The following SUGCT variants were observed in gnomAD, a reference collection of about 807,000 sequenced individuals.
The protein encoded by SUGCT is succinyl-CoA:glutarate-CoA transferase, also known as succinyl-CoA:glutarate CoA-transferase.
In SUGCT, 41 loss-of-function variants were observed where a neutral mutation model predicts 55.0. The ratio of observed to expected loss-of-function variants is 0.74; its 90% confidence interval spans 0.58 to 0.97. The LOEUF is 0.97. SUGCT is among the 50% of genes least tolerant of loss of function. SUGCT has a pLI of 0.00. For missense variants in SUGCT, 568 were observed against 547.8 expected, an observed-to-expected ratio of 1.04 and a Z score of -0.37; for synonymous variants, 187 against 200.4, an observed-to-expected ratio of 0.93 and a Z score of 0.56.
chr7:40,164,592 T>G (rs1443286181), intron 1 of SUGCT, among the ~76,000 whole-genome samples: 2 of 152,210 alleles, frequency 1.3e-5, no homozygotes, highest in African/African-American at 4.8e-5. Context: ...TTTTGTTTTT[T>G]ATTATGCATA....
Position 40,797,724 on chromosome 7 carries a change from C to A in SUGCT, c.1153+48227C>A, listed in dbSNP as rs534653708. ...CCTGATGAAAAGCATGAACCCCCCCCAAATAAATGGTGGGCTGCTTTGCTT... is the reference window on the plus strand; with the variant it reads ...CCTGATGAAAAGCATGAACCCCCCCAAAATAAATGGTGGGCTGCTTTGCTT... On this transcript the variant is annotated intron_variant, in intron 13 of 13. Coordinates refer to ENST00000335693, the MANE Select transcript of SUGCT (RefSeq NM_001193313.2). Among the ~76,000 whole-genome samples, 8 of 152,330 alleles carry A rather than the reference C, an allele frequency of 5.3e-5. No individual in the cohort carries two copies. The South Asian group carries it at 1.7e-3, about 32-fold the overall frequency.
intron 10 of SUGCT, among the ~76,000 whole-genome samples, chr7:40,453,958 T>A (rs1789330011): frequency 6.6e-6 from 1 of 151,988 alleles, no homozygotes; most frequent in Admixed American, 6.6e-5. Flanking sequence ...CAAAGAAATA[T>A]AAGATATGAA....
chr7:40,947,494 TTCTC>T, the SUGCT span, among the ~76,000 whole-genome samples: 10 of 134,648 alleles, frequency 7.4e-5, no homozygotes, highest in Non-Finnish European at 1.4e-4. Flanking sequence ...GGGCCATACT[TTCTC>T]TCTTTTTTTT....
intron 9 of SUGCT, among the ~76,000 whole-genome samples, chr7:40,382,848 G>A (rs1400637401): frequency 6.6e-6 from 1 of 151,998 alleles, no homozygotes; most frequent in Non-Finnish European, 1.5e-5. Flanking sequence ...CATTATCTTT[G>A]GAAAGTATTT....
chr7:41,035,181 G>A, the SUGCT span, among the ~76,000 whole-genome samples: 19 of 152,324 alleles, frequency 1.2e-4, no homozygotes, highest in East Asian at 1.9e-4. Flanking sequence ...TACAGTATTC[G>A]TATCGCTGAG....
intron 12 of SUGCT, among the ~76,000 whole-genome samples, chr7:40,681,138 T>G (rs1475200775): frequency 6.6e-6 from 1 of 152,068 alleles, no homozygotes; most frequent in Non-Finnish European, 1.5e-5. Flanking sequence ...CAGTGATTAG[T>G]GTGTCTTTTT....
intron 13 of SUGCT, among the ~76,000 whole-genome samples, chr7:40,842,826 CAA>C (rs1793343732): frequency 6.6e-6 from 1 of 152,194 alleles, no homozygotes; most frequent in Admixed American, 6.5e-5. Context: ...GCAAGTTGCA[CAA>C]TTCTGTAAAG....
intron 9 of SUGCT, among the ~76,000 whole-genome samples, chr7:40,354,191 A>G (rs887643813): frequency 1.3e-5 from 2 of 152,142 alleles, no homozygotes; most frequent in Non-Finnish European, 2.9e-5. Context: ...GGCTTCAAAG[A>G]CATGCAGAAG....
chr7:40,520,166 C>A (rs1386727680), intron 12 of SUGCT, among the ~76,000 whole-genome samples: 1 of 152,042 alleles, frequency 6.6e-6, no homozygotes, highest in Non-Finnish European at 1.5e-5. Context: ...CATACTAATA[C>A]CAAGTTTCTT....
At chr7:40,963,627 A>G in the SUGCT span, among the ~76,000 whole-genome samples, 2 of 152,212 alleles carry the variant, frequency 1.3e-5, no homozygotes, top group Non-Finnish European at 2.9e-5. Context: ...AAATTTAATA[A>G]TGGCAAATGG....
chr7:40,710,778 A>T (rs564332158), intron 12 of SUGCT, among the ~76,000 whole-genome samples: 5 of 152,292 alleles, frequency 3.3e-5, no homozygotes, highest in East Asian at 3.9e-4. Flanking sequence ...CAGAGGTTTT[A>T]TTATTGGTTA....
chr7:40,235,542 G>A (rs905192240), intron 6 of SUGCT, among the ~76,000 whole-genome samples: 3 of 152,140 alleles, frequency 2.0e-5, no homozygotes, highest in African/African-American at 7.2e-5. Flanking sequence ...GGCCAGGCTG[G>A]TTTCAAACTC....
chr7:40,738,172 G>T (rs548700909), intron 12 of SUGCT, among the ~76,000 whole-genome samples: 116 of 147,014 alleles, frequency 7.9e-4, no homozygotes, highest in African/African-American at 2.8e-3. Context: ...ACTCCAGCCT[G>T]GGTGAGAGAG....
At chr7:40,707,268 G>A (rs988337195) in intron 12 of SUGCT, among the ~76,000 whole-genome samples, 1 of 149,382 alleles carries the variant, frequency 6.7e-6, no homozygotes, top group Admixed American at 6.7e-5. Context: ...AGAACTGTTT[G>A]GGCAAAGAGA....
chr7:40,750,846 G>T (rs1390202378), intron 13 of SUGCT, among the ~76,000 whole-genome samples: 1 of 152,112 alleles, frequency 6.6e-6, no homozygotes, highest in Non-Finnish European at 1.5e-5. Context: ...GTTGACAAAA[G>T]CTAAGAAGTT....
intron 6 of SUGCT, among the ~76,000 whole-genome samples, chr7:40,229,303 G>A (rs770696390): frequency 6.6e-6 from 1 of 152,182 alleles, no homozygotes; most frequent in Non-Finnish European, 1.5e-5. Context: ...TGGATCACCT[G>A]AGGTCAGGAA....
intron 12 of SUGCT, among the ~76,000 whole-genome samples, chr7:40,636,013 T>C (rs1800006026): frequency 6.6e-6 from 1 of 152,238 alleles, no homozygotes; most frequent in Admixed American, 6.5e-5. Context: ...ATTCAGCTGA[T>C]ATATACCTAT....
chr7:40,432,348 A>G (rs1321731925), intron 9 of SUGCT, among the ~76,000 whole-genome samples: 2 of 152,162 alleles, frequency 1.3e-5, no homozygotes, highest in Non-Finnish European at 2.9e-5. Context: ...ATAGTCTTAT[A>G]GAGACTCTTT....
chr7:40,934,618 C>G, the SUGCT span, among the ~76,000 whole-genome samples: 1 of 152,032 alleles, frequency 6.6e-6, no homozygotes, highest in African/African-American at 2.4e-5. Flanking sequence ...TTTCTGGCCT[C>G]TTTGTTTACC....
Sources: allele counts gnomAD v4.1 joint callset (sites outside exome capture counted in the v4.1 genomes callset), GRCh38; gene constraint gnomAD v4.1.1; transcripts MANE v1.5; gene names NCBI Gene and HGNC (gene_info 2026-07-23, HGNC 2026-07-21).